Variants in B4GALNT3 observed in about 807,000 individuals in gnomAD.
The protein encoded by B4GALNT3 is beta-1,4-N-acetylgalactosaminyltransferase 3.
In B4GALNT3, 86 loss-of-function variants were observed where a neutral mutation model predicts 120.2. That is an observed-to-expected ratio of 0.72 (90% CI 0.60 to 0.86). The LOEUF (loss-of-function observed/expected upper bound fraction) is 0.86, where lower values mean the gene tolerates loss of function less well. Among genes scored for constraint, B4GALNT3 ranks in the 40% least tolerant of loss-of-function variants. The pLI is 0.00. For missense variants in B4GALNT3, 1,167 were observed against 1,298.9 expected (o/e 0.90, Z 1.56); for synonymous variants, 518 against 510.4 (o/e 1.01, Z -0.20).
rs1947230889 is a variant in B4GALNT3 at position 561,417 on chromosome 12, G to T, written c.2963G>T (p.Gly988Val). The T allele has an allele frequency of 6.2e-7, 1 of 1,613,630 alleles. No homozygotes were observed. Among genetic ancestry groups the T allele is most frequent in the Non-Finnish European group, 8.5e-7 (1 of 1,180,010 alleles). Reference sequence around the variant, plus strand: ...TTCCATCATTTCCATTCCAAGCGAGGCATGTGGAGCCGTCGCCAGATGAAG... The same window carrying T: ...TTCCATCATTTCCATTCCAAGCGAGTCATGTGGAGCCGTCGCCAGATGAAG... ...NFFHHFHSKR[G>V]MWSRRQMKTL The change falls in exon 20 of 20, where the codon GGC (glycine) becomes GTC (valine). Residue 988 changes from glycine to valine, a missense_variant. Around this residue, in one of 3 missense-constraint regions of B4GALNT3, gnomAD observed 983 missense variants for 1,102.5 expected, o/e 0.89. Coordinates refer to ENST00000266383, the MANE Select transcript of B4GALNT3 (RefSeq NM_173593.4).
intron 1 of B4GALNT3, among the ~76,000 whole-genome samples, chr12:464,427 C>T (rs1052660848): frequency 5.9e-5 from 9 of 151,942 alleles, no homozygotes; most frequent in African/African-American, 2.2e-4. Context: ...GTCAGGAGTT[C>T]GAGACCAGCC....
intron 1 of B4GALNT3, among the ~76,000 whole-genome samples, chr12:477,336 G>A (rs938847616): frequency 6.6e-6 from 1 of 152,124 alleles, no homozygotes; most frequent in African/African-American, 2.4e-5. Flanking sequence ...TTTCTTACCA[G>A]TGAACTAGCT....
intron 1 of B4GALNT3, among the ~76,000 whole-genome samples, chr12:531,168 A>G (rs1350802075): frequency 6.6e-6 from 1 of 152,012 alleles, no homozygotes; most frequent in Admixed American, 6.5e-5. Context: ...GCAAGGATAC[A>G]GGAAGAGGAA....
At chr12:553,079 A>G (rs1947103027) in intron 13 of B4GALNT3, 115 bp from the exon 14 acceptor site, 1 of 1,456,136 alleles carries the variant, frequency 6.9e-7, no homozygotes, top group East Asian at 2.3e-5. Context: ...CCTGGATTCA[A>G]CCCCAGTCTG....
intron 1 of B4GALNT3, among the ~76,000 whole-genome samples, chr12:516,302 G>A (rs1307212419): frequency 1.3e-5 from 2 of 152,188 alleles, no homozygotes; most frequent in South Asian, 2.1e-4. Flanking sequence ...GTGATAGGCT[G>A]GAGGTAGCGT....
intron 1 of B4GALNT3, among the ~76,000 whole-genome samples, chr12:526,174 G>C (rs779746696): frequency 6.6e-5 from 10 of 152,154 alleles, no homozygotes; most frequent in Admixed American, 2.0e-4. Flanking sequence ...GTCTCCATTG[G>C]TGCTTTTCTA....
chr12:525,660 C>A (rs1855569237), intron 1 of B4GALNT3, among the ~76,000 whole-genome samples: 1 of 152,218 alleles, frequency 6.6e-6, no homozygotes, highest in African/African-American at 2.4e-5. Context: ...TTCCGCCAAG[C>A]TGGGAAGAGT....
intron 1 of B4GALNT3, among the ~76,000 whole-genome samples, chr12:519,565 CCTT>C (rs1198992939): frequency 1.3e-5 from 2 of 151,102 alleles, no homozygotes; most frequent in African/African-American, 4.9e-5. Flanking sequence ...AGTATTGGCT[CCTT>C]CCCCAAAGCG....
At chr12:504,860 G>A (rs79437024) in intron 1 of B4GALNT3, among the ~76,000 whole-genome samples, 11,192 of 151,314 alleles carry the variant, frequency 0.074, 756 homozygotes, top group African/African-American at 0.18. Flanking sequence ...AAACCCTTGT[G>A]TGAAAATGTA....
Position 552,542 on chromosome 12 carries a change from G to A in B4GALNT3, c.1270+14G>A. 1 of 1,612,776 alleles carries A rather than the reference G, an allele frequency of 6.2e-7. No homozygotes were observed. Among genetic ancestry groups the A allele is most frequent in the Non-Finnish European group, 8.5e-7 (1 of 1,179,280 alleles). On this transcript the variant is annotated intron_variant, in intron 13 of 19. Coordinates refer to ENST00000266383, the MANE Select transcript of B4GALNT3 (RefSeq NM_173593.4). ...TGGAGCAGCCAGGTACAGAGTGACA[G>A]CTGAGGCTTCCAGGTCAGGCTGAGA...
chr12:550,053 A>G lies in B4GALNT3; in HGVS notation c.997+141A>G. ...TTTTATCGTCCTTGTAACATAGAAC[A>G]TGCATACAGAAAAGAGAGCATGTAA... is the stretch of plus-strand genomic sequence containing the variant. On this transcript the variant is annotated intron_variant, in intron 10 of 19. Transcript: ENST00000266383. This position sits in a 1 kb window ranked among gnomAD's most constrained non-coding sequence, Gnocchi z 4.1. 2.2e-6 allele frequency: 2 copies of G among 911,592 alleles called. No homozygotes were observed. The highest frequency in any genetic ancestry group is 3.3e-6 in the Non-Finnish European group (2 of 612,866). 56.5% of individuals were successfully genotyped at this position (911,592 alleles called of 1,614,324 possible).
In B4GALNT3 at chr12:549,769, A is replaced by G; in HGVS notation, c.854A>G (p.Asn285Ser). The change falls in exon 10 of 20, where the codon AAT becomes AGT. Residue 285 changes from asparagine (N) to serine (S), a missense_variant and splice_region_variant. This residue lies in a region of B4GALNT3 where 983 missense variants were observed against 1,102.5 expected (regional missense o/e 0.89). Transcript: ENST00000266383. Reference sequence around the variant, plus strand: ...TGCTTTCTTTCCTCCCTGCGCCCAGATGAGACGTTCCTACAGATGGATGAG... The same window carrying G: ...TGCTTTCTTTCCTCCCTGCGCCCAGGTGAGACGTTCCTACAGATGGATGAG... ...IDSLSLSLFT[N>S]ETFLQMDEVG... is the part of the protein sequence containing the mutation. The G allele has an allele frequency of 6.2e-7, 1 of 1,613,724 alleles. No individual in the cohort carries two copies. The highest frequency in any genetic ancestry group is 8.5e-7 in the Non-Finnish European group (1 of 1,180,024).
chr12:513,498 C>T lies in B4GALNT3; in HGVS notation c.170-21668C>T, dbSNP rs369635196. ...CATGGTGCTGGCGGGAGCATAGCAG[C>T]GAGGACAACCAGAGGTCACTTTTAT... is the stretch of plus-strand genomic sequence containing the variant. On this transcript the variant is annotated intron_variant, in intron 1 of 19. Transcript: ENST00000266383. 5.1e-4 allele frequency among the ~76,000 whole-genome samples: 77 copies of T among 152,252 alleles called. 1 individual carries two copies. Among genetic ancestry groups the T allele is most frequent in the Admixed American group, 2.2e-3 (34 of 15,290 alleles).
rs1946017369 is a variant in B4GALNT3, at chr12:460,989, C to A, written c.169+444C>A. 6.6e-6 allele frequency among the ~76,000 whole-genome samples: 1 copy of A among 152,194 alleles called. No individual in the cohort carries two copies. Among genetic ancestry groups the A allele is most frequent in the Non-Finnish European group, 1.5e-5 (1 of 68,028 alleles). On this transcript the variant is annotated intron_variant, in intron 1 of 19. Coordinates refer to ENST00000266383, the MANE Select transcript of B4GALNT3 (RefSeq NM_173593.4). This position sits in a 1 kb window ranked among gnomAD's most constrained non-coding sequence, Gnocchi z 8.0. ...CCACACCCAGGCGCGCGCTCCAGTC[C>A]GCGCAGCCCAAACTTTGCCCACCGC...
At chr12:558,478 T>G (rs1947186373) in intron 17 of B4GALNT3, 30 bp from the exon 18 acceptor site, 1 of 1,608,624 alleles carries the variant, frequency 6.2e-7, no homozygotes, top group East Asian at 2.2e-5. Flanking sequence ...GTCTGCAGGG[T>G]CTGCTGACCC....
At chr12:555,823 C>G (rs187316089) in intron 14 of B4GALNT3, among the ~76,000 whole-genome samples, 5 of 151,122 alleles carry the variant, frequency 3.3e-5, no homozygotes, top group African/African-American at 1.2e-4. Context: ...CTCGCTCTGT[C>G]GCCCAGGCTG....
At chr12:534,414 C>T (rs1468798936) in intron 1 of B4GALNT3, among the ~76,000 whole-genome samples, 1 of 152,130 alleles carries the variant, frequency 6.6e-6, no homozygotes, top group Non-Finnish European at 1.5e-5. Context: ...CCGGCCCTCA[C>T]CCTGGTGCAG....
In B4GALNT3 at chr12:550,817, A is replaced by G; in HGVS notation, c.998-105A>G. The stretch of plus-strand genomic sequence containing the variant: ...TCAGCCACAGACGTCGGCAGAACAC[A>G]GCTGCCGCTTGCGAATACAGAAAGG... On this transcript the variant is annotated intron_variant, in intron 10 of 19. Coordinates refer to ENST00000266383, the MANE Select transcript of B4GALNT3 (RefSeq NM_173593.4). This position sits in a 1 kb window ranked among gnomAD's most constrained non-coding sequence, Gnocchi z 4.1. 1.1e-6 allele frequency: 1 copy of G among 924,602 alleles called. No individual in the cohort carries two copies. 57.3% of individuals were successfully genotyped at this position (924,602 alleles called of 1,614,324 possible). A position where few individuals can be genotyped will look rare whatever the true frequency, so the allele number is the denominator to read the frequency against.
rs541164797 is a variant in B4GALNT3, at chr12:550,435, G to A, written c.998-487G>A. On this transcript the variant is annotated intron_variant, in intron 10 of 19. Coordinates refer to ENST00000266383, the MANE Select transcript of B4GALNT3 (RefSeq NM_173593.4). This position sits in a 1 kb window ranked among gnomAD's most constrained non-coding sequence, Gnocchi z 4.1. ...GCCCAGGAGGTTGAGGCTGCAGTGA[G>A]CTGTGATTGAACCACTGCACTCCAG... 1.3e-5 allele frequency among the ~76,000 whole-genome samples: 2 copies of A among 152,254 alleles called. No homozygotes were observed. Among genetic ancestry groups the A allele is most frequent in the South Asian group, 4.1e-4 (2 of 4,824 alleles).
Sources: gnomAD v4.1 joint callset for allele counts (sites outside exome capture counted in the v4.1 genomes callset) on GRCh38, gnomAD v4.1.1 for gene constraint, gnomAD v4.1.1 regional missense constraint, Gnocchi (gnomAD v3.1) non-coding constraint, MANE v1.5 for transcripts, NCBI Gene and HGNC (gene_info 2026-07-23, HGNC 2026-07-21) for gene names.